GRM8: variants seen among roughly 807,000 people sequenced by gnomAD.
The protein encoded by GRM8 is metabotropic glutamate receptor 8.
Under a neutral mutation model 87.2 loss-of-function variants are expected in GRM8, and 47 were observed. That is an observed-to-expected ratio of 0.54 (90% CI 0.43 to 0.69). The LOEUF is 0.69. GRM8 is among the 30% of genes least tolerant of loss of function. GRM8 has a pLI of 0.00. For missense variants in GRM8, 1,019 were observed against 1,139.2 expected, an observed-to-expected ratio of 0.89 and a Z score of 1.52; for synonymous variants, 396 against 404.5, an observed-to-expected ratio of 0.98 and a Z score of 0.25.
chr7:127,141,989 G>GT (rs140681792), intron 2 of GRM8, among the ~76,000 whole-genome samples: 33 of 150,724 alleles, frequency 2.2e-4, no homozygotes, highest in Admixed American at 6.0e-4. Flanking sequence ...TTTTGTTTTT[G>GT]TTTTTTTTTA....
At chr7:126,862,059 G>C (rs953923934) in intron 6 of GRM8, among the ~76,000 whole-genome samples, 4 of 151,804 alleles carry the variant, frequency 2.6e-5, no homozygotes, top group Admixed American at 6.6e-5. Flanking sequence ...TATATGTATA[G>C]ATTCCCCTAT....
Position 127,038,573 on chromosome 7 carries a change from T to C in GRM8, c.727+67923A>G, listed in dbSNP as rs957152910. Among the ~76,000 whole-genome samples the C allele has an allele frequency of 4.6e-5, 7 of 152,252 alleles. No individual in the cohort carries two copies. In the East Asian group the frequency reaches 1.4e-3, roughly 29 times the overall value. On this transcript the variant is annotated intron_variant, in intron 3 of 10. Coordinates refer to ENST00000339582, the MANE Select transcript of GRM8 (RefSeq NM_000845.3). ...TTCGAGTGAACTCACATAAAGAACT[T>C]AAAAAGATTATTTTTTAAATTTATT...
At chr7:127,132,955 C>T (rs1182797397) in intron 2 of GRM8, among the ~76,000 whole-genome samples, 1 of 152,212 alleles carries the variant, frequency 6.6e-6, no homozygotes, top group African/African-American at 2.4e-5. Context: ...TCCCATAAAT[C>T]TCTACCAACG....
At chr7:127,197,103 T>C (rs1225658369) in intron 2 of GRM8, among the ~76,000 whole-genome samples, 1 of 152,212 alleles carries the variant, frequency 6.6e-6, no homozygotes, top group Non-Finnish European at 1.5e-5. Context: ...TTCACTAATA[T>C]TGGTCTAGGT....
At chr7:127,130,316 T>A (rs1006146315) in intron 2 of GRM8, among the ~76,000 whole-genome samples, 6 of 152,170 alleles carry the variant, frequency 3.9e-5, no homozygotes, top group Non-Finnish European at 2.9e-5. Context: ...TGGAAGTGAC[T>A]TTGGATCTGG....
At chr7:126,872,273 C>T (rs1799166586) in intron 6 of GRM8, among the ~76,000 whole-genome samples, 1 of 152,082 alleles carries the variant, frequency 6.6e-6, no homozygotes, top group Non-Finnish European at 1.5e-5. Flanking sequence ...CTAACCTTTC[C>T]CCATTTCCTC....
intron 3 of GRM8, among the ~76,000 whole-genome samples, chr7:126,958,394 G>T (rs1308765905): frequency 6.6e-6 from 1 of 152,140 alleles, no homozygotes; most frequent in African/African-American, 2.4e-5. Context: ...GCTTTCAAGT[G>T]CCACCACGTT....
chr7:126,646,712 T>A (rs936323436), intron 7 of GRM8, among the ~76,000 whole-genome samples: 27 of 152,242 alleles, frequency 1.8e-4, no homozygotes, highest in African/African-American at 6.5e-4. Context: ...AAAATGAGGA[T>A]AGCAATTATT....
intron 7 of GRM8, among the ~76,000 whole-genome samples, chr7:126,696,162 G>C (rs1021927604): frequency 5.9e-5 from 9 of 152,126 alleles, no homozygotes; most frequent in African/African-American, 2.2e-4. Context: ...GCTGGGACTA[G>C]GGTGAAGTGA....
At chr7:126,803,976 C>T (rs1792384919) in intron 6 of GRM8, among the ~76,000 whole-genome samples, 1 of 152,018 alleles carries the variant, frequency 6.6e-6, no homozygotes, top group African/African-American at 2.4e-5. Flanking sequence ...GATTGAGTAC[C>T]TTTTCTTTTG....
intron 9 of GRM8, among the ~76,000 whole-genome samples, chr7:126,502,359 A>T (rs1366776110): frequency 2.0e-5 from 3 of 152,012 alleles, no homozygotes; most frequent in East Asian, 1.9e-4. Flanking sequence ...TCCCTCTAAG[A>T]TCTGTTTACA....
chr7:126,514,188 A>C (rs922139614), intron 9 of GRM8, among the ~76,000 whole-genome samples: 1 of 152,106 alleles, frequency 6.6e-6, no homozygotes, highest in African/African-American at 2.4e-5. Flanking sequence ...CAGATGCTGG[A>C]GTTGTGGTCC....
chr7:126,957,022 G>A (rs574004302), intron 3 of GRM8, among the ~76,000 whole-genome samples: 122 of 152,198 alleles, frequency 8.0e-4, no homozygotes, highest in African/African-American at 2.8e-3. Context: ...AGAAGCCCAG[G>A]GACAGGACCA....
At chr7:126,545,017 C>T (rs536500799) in intron 8 of GRM8, among the ~76,000 whole-genome samples, 14 of 152,182 alleles carry the variant, frequency 9.2e-5, no homozygotes, top group East Asian at 3.9e-4. Flanking sequence ...TTTTATCGTC[C>T]GACAATCTCA....
chr7:127,232,079 A>G (rs1797716708), intron 2 of GRM8, among the ~76,000 whole-genome samples: 1 of 152,130 alleles, frequency 6.6e-6, no homozygotes, highest in African/African-American at 2.4e-5. Flanking sequence ...TGGCTGGAAC[A>G]TGAGCTGATG....
chr7:126,553,867 G>T (rs895310498), intron 8 of GRM8, among the ~76,000 whole-genome samples: 1 of 152,120 alleles, frequency 6.6e-6, no homozygotes, highest in East Asian at 1.9e-4. Flanking sequence ...TTAAACATAA[G>T]AGGAAAGCTG....
chr7:126,943,410 T>C (rs1204553), intron 3 of GRM8, among the ~76,000 whole-genome samples: 116,928 of 152,146 alleles, frequency 0.77, 45,276 homozygotes, highest in East Asian at 0.97. Context: ...AAAGATGATG[T>C]TAAAGAGACA....
intron 7 of GRM8, among the ~76,000 whole-genome samples, chr7:126,703,424 A>G (rs1260264118): frequency 6.6e-6 from 1 of 152,194 alleles, no homozygotes; most frequent in Non-Finnish European, 1.5e-5. Context: ...AGACTTTGAC[A>G]AGGAGAGTTT....
intron 6 of GRM8, among the ~76,000 whole-genome samples, chr7:126,806,430 T>A (rs117201132): frequency 6.6e-6 from 1 of 152,324 alleles, no homozygotes; most frequent in South Asian, 2.1e-4. Context: ...ACCTCCAAAG[T>A]CCAGAAGAGG....
Sources: gnomAD v4.1 joint callset for allele counts (sites outside exome capture counted in the v4.1 genomes callset) on GRCh38, gnomAD v4.1.1 for gene constraint, MANE v1.5 for transcripts, NCBI Gene and HGNC (gene_info 2026-07-23, HGNC 2026-07-21) for gene names.